Variants in MGAT4C observed in about 807,000 individuals in gnomAD.
MGAT4C encodes the protein alpha-1,3-mannosyl-glycoprotein 4-beta-N-acetylglucosaminyltransferase C.
A neutral mutation model predicts 40.1 loss-of-function variants in MGAT4C; 19 were observed. The observed-to-expected ratio is 0.47, with a 90% confidence interval of 0.33 to 0.70. MGAT4C has a LOEUF of 0.70. Among genes scored for constraint, MGAT4C ranks in the 30% least tolerant of loss-of-function variants. MGAT4C has a pLI of 0.02. For synonymous variants in MGAT4C, 181 were observed against 187.1 expected (o/e 0.97, Z 0.27); for missense variants, 491 against 563.2 (o/e 0.87, Z 1.30).
At chr12:86,396,545 A>G (rs1317752544) in intron 3 of MGAT4C, among the ~76,000 whole-genome samples, 9 of 152,146 alleles carry the variant, frequency 5.9e-5, no homozygotes, top group Non-Finnish European at 4.4e-5. Context: ...GCTACTTATA[A>G]TTATAATGGA....
chr12:86,413,315 G>A lies in MGAT4C; in HGVS notation c.-120+21842C>T, dbSNP rs78249925. Among the ~76,000 whole-genome samples the A allele has an allele frequency of 3.0e-4, 46 of 152,230 alleles. 1 individual carries two copies. The highest frequency in any genetic ancestry group is 7.7e-4 in the African/African-American group (32 of 41,558). On this transcript the variant is annotated intron_variant, in intron 3 of 7. Coordinates refer to the MGAT4C transcript ENST00000548651. ...TTTCAGCTAAAAATCTAAGTGAATA[G>A]CTAATAGGAGGCAAAGAAGCTTGTT...
chr12:85,997,599 T>G, intron 2 of MGAT4C, among the ~76,000 whole-genome samples: 1 of 152,230 alleles, frequency 6.6e-6, no homozygotes, highest in Non-Finnish European at 1.5e-5. Context: ...TGGAAGAAAT[T>G]GGTCAAAACA....
intron 2 of MGAT4C, among the ~76,000 whole-genome samples, chr12:86,691,839 TAG>T (rs1593120056): frequency 1.3e-5 from 2 of 152,024 alleles, no homozygotes; most frequent in African/African-American, 2.4e-5. Flanking sequence ...ATCTAGATAA[TAG>T]AGTGATTATA....
At chr12:86,829,092 C>T (rs1304198236) in intron 1 of MGAT4C, among the ~76,000 whole-genome samples, 1 of 151,454 alleles carries the variant, frequency 6.6e-6, no homozygotes, top group Non-Finnish European at 1.5e-5. Flanking sequence ...TGTTTGTTGC[C>T]TCACCGAAGA....
chr12:86,007,020 T>A (rs547589115), intron 2 of MGAT4C, among the ~76,000 whole-genome samples: 5 of 152,292 alleles, frequency 3.3e-5, no homozygotes, highest in African/African-American at 1.2e-4. Flanking sequence ...AGAATCTGAT[T>A]CATCTAATAA....
At chr12:86,467,318 G>A (rs1427040635) in intron 2 of MGAT4C, among the ~76,000 whole-genome samples, 1 of 152,074 alleles carries the variant, frequency 6.6e-6, no homozygotes, top group African/African-American at 2.4e-5. Context: ...TTAGAGGATG[G>A]CAAAACGACA....
chr12:86,541,523 T>C (rs551666005), intron 2 of MGAT4C, among the ~76,000 whole-genome samples: 57 of 152,276 alleles, frequency 3.7e-4, no homozygotes, highest in Non-Finnish European at 7.1e-4. Flanking sequence ...CTACCACATT[T>C]AAAATTTACA....
intron 2 of MGAT4C, among the ~76,000 whole-genome samples, chr12:86,721,502 T>C (rs2136644694): frequency 6.6e-6 from 1 of 152,232 alleles, no homozygotes; most frequent in South Asian, 2.1e-4. Flanking sequence ...CTTATCCACT[T>C]TCCTCTCTTC....
At chr12:86,544,584 T>C (rs989033077) in intron 2 of MGAT4C, among the ~76,000 whole-genome samples, 2 of 152,196 alleles carry the variant, frequency 1.3e-5, no homozygotes, top group Non-Finnish European at 2.9e-5. Flanking sequence ...GATCCTCAAT[T>C]AACATGCTTT....
chr12:86,250,330 T>TGAGAGAGAGAGAGAGA (rs3047014), intron 1 of MGAT4C, among the ~76,000 whole-genome samples: 4 of 142,842 alleles, frequency 2.8e-5, no homozygotes, highest in African/African-American at 1.0e-4. Context: ...ACACACACAC[T>TGAGAGAGAGAGAGAGA]GAGAGAGAGA....
At chr12:86,492,152 C>T (rs1249981727) in intron 2 of MGAT4C, among the ~76,000 whole-genome samples, 1 of 152,090 alleles carries the variant, frequency 6.6e-6, no homozygotes, top group Non-Finnish European at 1.5e-5. Context: ...AAAGACTATA[C>T]AAACAAATGG....
intron 2 of MGAT4C, among the ~76,000 whole-genome samples, chr12:86,592,146 G>T (rs1249036946): frequency 1.3e-5 from 2 of 152,012 alleles, no homozygotes; most frequent in Admixed American, 1.3e-4. Flanking sequence ...GTAACTAAAG[G>T]TCTAATATTT....
intron 1 of MGAT4C, among the ~76,000 whole-genome samples, chr12:86,777,640 C>A (rs1227313880): frequency 1.3e-5 from 2 of 152,046 alleles, no homozygotes; most frequent in African/African-American, 4.8e-5. Context: ...AACTAGAGAG[C>A]TGAGATAGAG....
At chr12:86,381,543 C>T (rs1955928983) in intron 3 of MGAT4C, among the ~76,000 whole-genome samples, 1 of 152,134 alleles carries the variant, frequency 6.6e-6, no homozygotes, top group South Asian at 2.1e-4. Context: ...CTGTGCCTGC[C>T]AACAGTGAGG....
intron 1 of MGAT4C, among the ~76,000 whole-genome samples, chr12:86,098,499 T>C (rs1422553384): frequency 6.6e-6 from 1 of 151,594 alleles, no homozygotes; most frequent in Admixed American, 6.6e-5. Flanking sequence ...TTGTGCATTG[T>C]TTCATTTTGG....
At chr12:86,799,672 C>A (rs947877411) in intron 1 of MGAT4C, among the ~76,000 whole-genome samples, 1 of 151,704 alleles carries the variant, frequency 6.6e-6, no homozygotes, top group Admixed American at 6.6e-5. Flanking sequence ...AATGTTTGAC[C>A]CTAATGTAGA....
chr12:86,154,612 T>A (rs1884685514), intron 1 of MGAT4C, among the ~76,000 whole-genome samples: 1 of 152,198 alleles, frequency 6.6e-6, no homozygotes, highest in East Asian at 1.9e-4. Flanking sequence ...GCACAGTGAA[T>A]CTGCCCAACG....
At chr12:86,329,016 T>C (rs984293917) in intron 4 of MGAT4C, among the ~76,000 whole-genome samples, 5 of 151,602 alleles carry the variant, frequency 3.3e-5, no homozygotes, top group Non-Finnish European at 5.9e-5. Flanking sequence ...GGCAGGAGAA[T>C]GACTTGAACC....
intron 1 of MGAT4C, among the ~76,000 whole-genome samples, chr12:86,807,588 G>A (rs1943759790): frequency 6.6e-6 from 1 of 152,100 alleles, no homozygotes; most frequent in African/African-American, 2.4e-5. Flanking sequence ...ATGAAAGTAA[G>A]TGTGCATGTA....
Sources: gnomAD v4.1 joint callset for allele counts (sites outside exome capture counted in the v4.1 genomes callset) on GRCh38, gnomAD v4.1.1 for gene constraint, MANE v1.5 for transcripts, NCBI Gene and HGNC (gene_info 2026-07-23, HGNC 2026-07-21) for gene names.